The following PLIN1 variants were observed in gnomAD, a reference collection of about 807,000 sequenced individuals.
PLIN1 encodes the protein perilipin-1.
A neutral mutation model predicts 45.8 loss-of-function variants in PLIN1; 37 were observed. The observed-to-expected ratio is 0.81, with a 90% CI of 0.62 to 1.06. PLIN1 has a LOEUF of 1.06. Among genes scored for constraint, PLIN1 ranks in the 50% least tolerant of loss-of-function variants. PLIN1 has a pLI of 0.00. For missense variants in PLIN1, 776 were observed against 716.5 expected (o/e 1.08, Z -0.95); for synonymous variants, 340 against 309.2 (o/e 1.10, Z -1.05).
At position 89,667,085 on chromosome 15, in the gene PLIN1, G is replaced by A. The variant is rs772535711; in HGVS notation, c.1060C>T (p.Pro354Ser). 3.1e-6 allele frequency: 5 copies of A among 1,613,992 alleles called. No individual in the cohort carries two copies. The African/African-American group carries it at 6.7e-5, about 22-fold the overall frequency. Residue 354 changes from proline (P) to serine (S), a missense_variant, in exon 8 of 9, where the codon CCT (proline) becomes TCT (serine). By Grantham distance (74) the Pro-to-Ser change is moderately conservative (BLOSUM62 -1). Coordinates refer to ENST00000300055, the MANE Select transcript of PLIN1 (RefSeq NM_002666.5). ...CCTGCCATGCCCAGCACAGCTGCAGGTGCCCATGTCACAGCCGAGATGGTG... is the reference window on the plus strand; with the variant it reads ...CCTGCCATGCCCAGCACAGCTGCAGATGCCCATGTCACAGCCGAGATGGTG... Reference protein sequence around the residue: ...QTTISAVTWAPAAVLGMAGRV... With the variant: ...QTTISAVTWASAAVLGMAGRV...
At chr15:89,674,666 C>T (rs2141537207) in intron 2 of PLIN1, among the ~76,000 whole-genome samples, 1 of 152,302 alleles carries the variant, frequency 6.6e-6, no homozygotes, top group South Asian at 2.1e-4. Context: ...ACTCTGCCCT[C>T]TGGAACAAAA....
chr15:89,669,672 G>T lies in PLIN1; in HGVS notation c.599C>A (p.Ala200Asp), dbSNP rs1475608566. The T allele has an allele frequency of 6.2e-7, 1 of 1,613,802 alleles. No homozygotes were observed. ...YLLPPDKEES[A>D]PAPGHQQAQK... is the part of the protein sequence containing the mutation. ...GGCTTGCTGGTGTCCAGGAGCAGGG[G>T]CTGGGTAGGGATTTGGGGGGAAAGA... is the stretch of plus-strand genomic sequence containing the variant. The change falls in exon 6 of 9, where the codon GCC becomes GAC. Residue 200 changes from alanine (A) to aspartate (D), a missense_variant and splice_region_variant. Physicochemically the swap from Ala to Asp is moderately radical, Grantham distance 126. Transcript: ENST00000300055.
rs898171340 is a variant in PLIN1 at position 89,677,233 on chromosome 15, T to A, written c.45+212A>T. On this transcript the variant is annotated intron_variant, in intron 2 of 8. Transcript: ENST00000300055. ...TGTCCCTTTTTTTCAAGGTGCTTAA[T>A]TTTTAATAGGCATCTTTTTTTCCCC... 6.3e-5 allele frequency: 38 copies of A among 606,850 alleles called. No individual in the cohort carries two copies. The African/African-American group carries it at 6.4e-4, about 10-fold the overall frequency. 37.6% of individuals were successfully genotyped at this position (606,850 alleles called of 1,614,324 possible).
chr15:89,673,945 G>A (rs889094036), intron 2 of PLIN1, among the ~76,000 whole-genome samples: 2 of 152,100 alleles, frequency 1.3e-5, no homozygotes, highest in Non-Finnish European at 2.9e-5. Context: ...CACTCCCCCT[G>A]TGAAGCTTCC....
chr15:89,665,411 AAAAATAAAAAT>A lies in PLIN1; in HGVS notation c.*161_*171del, dbSNP rs1478412105. On this transcript the variant is annotated 3_prime_UTR_variant, in exon 9 of 9. Transcript: ENST00000300055. ...TGAAGCCCCAAAAGGATGCTAAAAA[AAAAATAAAAAT>A]AAAATAAAAATAAAAAGTGCGCCTT... 7.0e-5 allele frequency: 34 copies of A among 483,234 alleles called. 1 individual carries two copies. Among genetic ancestry groups the A allele is most frequent in the South Asian group, 1.3e-4 (2 of 15,074 alleles). The allele number at this position is 483,234 out of a possible 1,614,324, so 29.9% of individuals were successfully genotyped here.
intron 1 of PLIN1, chr15:89,677,753 C>CTTTT (rs766734035): frequency 1.3e-5 from 5 of 392,614 alleles, no homozygotes; most frequent in South Asian, 3.3e-5. Flanking sequence ...TTCTTTCTTT[C>CTTTT]TTTTTTTTTT....
chr15:89,675,499 G>C (rs1964502975), intron 2 of PLIN1, among the ~76,000 whole-genome samples: 1 of 151,832 alleles, frequency 6.6e-6, no homozygotes, highest in Non-Finnish European at 1.5e-5. Flanking sequence ...CCCAGCTGCT[G>C]GGGAGGCTGA....
chr15:89,677,426 A>G lies in PLIN1; in HGVS notation c.45+19T>C. ...CTCAGTTGTCCATCCCCTGTCACAGATGAGCCCAAGTTACTTACAGGGAGG... is the reference window on the plus strand; with the variant it reads ...CTCAGTTGTCCATCCCCTGTCACAGGTGAGCCCAAGTTACTTACAGGGAGG... On this transcript the variant is annotated intron_variant, in intron 2 of 8. Coordinates refer to ENST00000300055, the MANE Select transcript of PLIN1 (RefSeq NM_002666.5). The G allele has an allele frequency of 6.2e-7, 1 of 1,607,568 alleles. No individual in the cohort carries two copies. Among genetic ancestry groups the G allele is most frequent in the Non-Finnish European group, 8.5e-7 (1 of 1,174,082 alleles).
At chr15:89,672,633 T>C (rs1964456835) in intron 3 of PLIN1, among the ~76,000 whole-genome samples, 1 of 152,212 alleles carries the variant, frequency 6.6e-6, no homozygotes, top group Admixed American at 6.5e-5. Flanking sequence ...GGAGACCACA[T>C]TTTCAGATGG....
chr15:89,669,390 A>T, intron 6 of PLIN1, 110 bp downstream of exon 6: 1 of 969,952 alleles, frequency 1.0e-6, no homozygotes, highest in Non-Finnish European at 1.6e-6. Context: ...ACGTTGGAAG[A>T]GAGAATGTTC....
At chr15:89,671,412 C>T (rs192726157) in intron 4 of PLIN1, 70 bp downstream of exon 4, 20,508 of 1,111,314 alleles carry the variant, frequency 0.018, 255 homozygotes, top group Non-Finnish European at 0.022. Context: ...TCAGCAGCCC[C>T]TGCCCTCTCC....
chr15:89,677,753 C>CA, intron 1 of PLIN1: 1 of 392,208 alleles, frequency 2.5e-6, no homozygotes. Context: ...TTCTTTCTTT[C>CA]TTTTTTTTTT....
At position 89,672,089 on chromosome 15, in the gene PLIN1, A is replaced by G; in HGVS notation, c.251-525T>C. ...GCCTTGGGGCTGGGCCTGCTTAGCT[A>G]TCAACATGACAAACTCCCAGCACAG... On this transcript the variant is annotated intron_variant, in intron 3 of 8. Transcript: ENST00000300055. Among the ~76,000 whole-genome samples, 4 of 152,220 alleles carry G rather than the reference A, an allele frequency of 2.6e-5. No homozygotes were observed. The South Asian group carries it at 8.3e-4, about 32-fold the overall frequency.
Position 89,669,366 on chromosome 15 carries a change from T to A in PLIN1, c.771+134A>T, listed in dbSNP as rs1964398794. On this transcript the variant is annotated intron_variant, in intron 6 of 8. Transcript: ENST00000300055. ...TACCCCTCTCAAGTCCTCTTAGAAC[T>A]GAAGCCCCAGCCCACGTTGGAAGAG... 4 of 815,440 alleles carry A rather than the reference T, an allele frequency of 4.9e-6. No homozygotes were observed. The South Asian group carries it at 5.6e-5, about 11-fold the overall frequency. The allele number at this position is 815,440 out of a possible 1,614,324, so 50.5% of individuals were successfully genotyped here.
intron 3 of PLIN1, among the ~76,000 whole-genome samples, chr15:89,672,018 T>A (rs1489289087): frequency 1.3e-5 from 2 of 152,126 alleles, no homozygotes; most frequent in Non-Finnish European, 2.9e-5. Context: ...TGAGTGAGCA[T>A]GAGGAGGGAG....
intron 3 of PLIN1, among the ~76,000 whole-genome samples, chr15:89,672,015 G>A (rs1273517332): frequency 6.6e-6 from 1 of 152,236 alleles, no homozygotes; most frequent in Non-Finnish European, 1.5e-5. Context: ...CTCTGAGTGA[G>A]CATGAGGAGG....
At position 89,670,250 on chromosome 15, in the gene PLIN1, G is replaced by C; in HGVS notation, c.334-6C>G. The C allele has an allele frequency of 6.2e-7, 1 of 1,608,924 alleles. No individual in the cohort carries two copies. The highest frequency in any genetic ancestry group is 8.5e-7 in the Non-Finnish European group (1 of 1,176,436). On this transcript the variant is annotated splice_polypyrimidine_tract_variant and splice_region_variant and intron_variant, in intron 4 of 8. Coordinates refer to ENST00000300055, the MANE Select transcript of PLIN1 (RefSeq NM_002666.5). ...TCCTTCAGCTCAGAAGCAATCTGGG[G>C]GAAGTTGGTGGGGGTGTTAGGCATG...
In PLIN1 at chr15:89,669,692, G is replaced by A. The variant is rs1341404976; in HGVS notation, c.599-20C>T. The A allele has an allele frequency of 2.5e-6, 4 of 1,612,024 alleles. No individual in the cohort carries two copies. In the Admixed American group the frequency reaches 5.0e-5, roughly 20 times the overall value. ...CAGGGGCTGGGTAGGGATTTGGGGG[G>A]AAAGAAGAGAAAACAGGTCAGAGAG... On this transcript the variant is annotated intron_variant, in intron 5 of 8. Coordinates refer to ENST00000300055, the MANE Select transcript of PLIN1 (RefSeq NM_002666.5).
Position 89,673,312 on chromosome 15 carries a change from G to A in PLIN1, c.148C>T (p.Leu50=), listed in dbSNP as rs1964467653. The change falls in exon 3 of 9, where the codon CTG becomes TTG. Residue 50 remains leucine (L), a synonymous_variant. Coordinates refer to ENST00000300055, the MANE Select transcript of PLIN1 (RefSeq NM_002666.5). ...TYTSTKEAHP[L]VASVCNAYEK... Reference sequence around the variant, plus strand: ...TAGGCATTGCACACAGAGGCCACCAGGGGGTGGGCTTCCTTAGTGCTGGTG... The same window carrying A: ...TAGGCATTGCACACAGAGGCCACCAAGGGGTGGGCTTCCTTAGTGCTGGTG... The A allele has an allele frequency of 1.3e-6, 2 of 1,591,648 alleles. No homozygotes were observed. The highest frequency in any genetic ancestry group is 1.1e-5 in the South Asian group (1 of 87,506).
Sources: gnomAD v4.1 joint callset for allele counts (sites outside exome capture counted in the v4.1 genomes callset) on GRCh38, gnomAD v4.1.1 for gene constraint, MANE v1.5 for transcripts, NCBI Gene and HGNC (gene_info 2026-07-23, HGNC 2026-07-21) for gene names.